EPHA6: variants seen among roughly 807,000 people sequenced by gnomAD.
The protein encoded by EPHA6 is ephrin type-A receptor 6.
A neutral mutation model predicts 112.0 loss-of-function variants in EPHA6; 50 were observed. That is an observed-to-expected ratio of 0.45 (90% CI 0.36 to 0.56). EPHA6 has a LOEUF of 0.56. Among genes scored for constraint, EPHA6 ranks in the 20% least tolerant of loss-of-function variants. The pLI, the probability that EPHA6 is intolerant of heterozygous loss-of-function variation, is 0.00. For synonymous variants in EPHA6, 529 were observed against 490.7 expected (o/e 1.08, Z -1.03); for missense variants, 1,280 against 1,417.4 (o/e 0.90, Z 1.56).
intron 10 of EPHA6, among the ~76,000 whole-genome samples, chr3:97,503,432 C>G (rs1282569870): frequency 6.6e-6 from 1 of 152,106 alleles, no homozygotes; most frequent in Non-Finnish European, 1.5e-5. Context: ...AACTATTTAC[C>G]TAATATTACC....
At chr3:97,630,635 A>G (rs909881319) in intron 13 of EPHA6, among the ~76,000 whole-genome samples, 2 of 152,014 alleles carry the variant, frequency 1.3e-5, no homozygotes. Context: ...TCTTTTAAAG[A>G]CATTTCTGAA....
chr3:96,823,842 A>G (rs951254787), intron 1 of EPHA6, among the ~76,000 whole-genome samples: 2 of 151,838 alleles, frequency 1.3e-5, no homozygotes, highest in African/African-American at 4.8e-5. Flanking sequence ...TCAGAAAGAG[A>G]TCTTCATTTT....
rs370081210 is a variant in EPHA6, at chr3:97,748,751, G to A, written c.*50G>A. On this transcript the variant is annotated 3_prime_UTR_variant, in exon 18 of 18. Coordinates refer to ENST00000389672, the MANE Select transcript of EPHA6 (RefSeq NM_001080448.3). ...GTGCCTCAGCATTTCTAAAATGAAC[G>A]ATATCCTCTCTACTACTCTCTCTTC... 2.3e-5 allele frequency: 22 copies of A among 939,364 alleles called. No individual in the cohort carries two copies. The East Asian group carries it at 3.9e-4, about 17-fold the overall frequency. 58.2% of individuals were successfully genotyped at this position (939,364 alleles called of 1,614,324 possible).
chr3:97,696,416 T>C (rs1335509192), intron 14 of EPHA6, among the ~76,000 whole-genome samples: 1 of 152,240 alleles, frequency 6.6e-6, no homozygotes, highest in African/African-American at 2.4e-5. Flanking sequence ...TGCAAGTTTT[T>C]CCTCAAGATG....
chr3:96,856,136 A>C (rs576591581), intron 1 of EPHA6, among the ~76,000 whole-genome samples: 1 of 152,222 alleles, frequency 6.6e-6, no homozygotes, highest in East Asian at 1.9e-4. Flanking sequence ...GCTACTTGGG[A>C]AGCTGGGGCA....
intron 10 of EPHA6, among the ~76,000 whole-genome samples, chr3:97,529,586 C>A (rs980521178): frequency 1.0e-2 from 4 of 402 alleles, no homozygotes; most frequent in African/African-American, 0.033. Context: ...CAATGTCAAT[C>A]ACATAATCAG....
chr3:97,150,924 A>G (rs571582579), intron 3 of EPHA6, among the ~76,000 whole-genome samples: 1 of 152,272 alleles, frequency 6.6e-6, no homozygotes, highest in Admixed American at 6.6e-5. Context: ...TTAAACTTTA[A>G]TTAATTCACT....
intron 3 of EPHA6, among the ~76,000 whole-genome samples, chr3:97,187,976 C>T (rs2077201429): frequency 6.6e-6 from 1 of 152,024 alleles, no homozygotes; most frequent in African/African-American, 2.4e-5. Context: ...ATCTGATTGG[C>T]AAAAATCCAG....
chr3:97,608,572 A>G (rs537283487), intron 12 of EPHA6, among the ~76,000 whole-genome samples: 2 of 151,446 alleles, frequency 1.3e-5, no homozygotes, highest in East Asian at 3.9e-4. Context: ...AAATGCAACT[A>G]TGAGAAATAT....
chr3:97,559,703 A>G, intron 11 of EPHA6: 1 of 438,320 alleles, frequency 2.3e-6, no homozygotes, highest in Non-Finnish European at 4.5e-6. Flanking sequence ...GCTGTCACAC[A>G]AGAGTGAAGC....
intron 7 of EPHA6, among the ~76,000 whole-genome samples, chr3:97,461,464 G>A (rs1171090787): frequency 6.6e-6 from 1 of 152,088 alleles, no homozygotes; most frequent in Admixed American, 6.6e-5. Context: ...GTGATTCAAT[G>A]CATGTAAAGT....
chr3:97,436,639 T>C (rs1030421618), intron 6 of EPHA6, among the ~76,000 whole-genome samples: 1 of 152,186 alleles, frequency 6.6e-6, no homozygotes, highest in African/African-American at 2.4e-5. Context: ...ATACTGTTTT[T>C]CAGTGAAGAC....
intron 3 of EPHA6, among the ~76,000 whole-genome samples, chr3:97,080,696 A>G (rs965999990): frequency 5.9e-5 from 9 of 152,122 alleles, no homozygotes; most frequent in African/African-American, 1.9e-4. Flanking sequence ...TATATAAAGT[A>G]TACATGTTTA....
chr3:96,948,233 A>T (rs1476940384), intron 2 of EPHA6, among the ~76,000 whole-genome samples: 1 of 152,174 alleles, frequency 6.6e-6, no homozygotes, highest in African/African-American at 2.4e-5. Flanking sequence ...CTTATAGATC[A>T]GTTGTTTTCA....
At chr3:97,300,790 C>T (rs890418195) in intron 5 of EPHA6, among the ~76,000 whole-genome samples, 5 of 151,418 alleles carry the variant, frequency 3.3e-5, no homozygotes, top group Admixed American at 2.0e-4. Context: ...ATAGCAGGCT[C>T]GAAGCATGAC....
chr3:96,817,209 AATG>A (rs1391409876), intron 1 of EPHA6, among the ~76,000 whole-genome samples: 3 of 151,966 alleles, frequency 2.0e-5, no homozygotes, highest in African/African-American at 7.2e-5. Context: ...TTACTTATAA[AATG>A]ATGCTTTTTA....
intron 5 of EPHA6, among the ~76,000 whole-genome samples, chr3:97,329,716 G>A (rs2108815824): frequency 6.6e-6 from 1 of 151,658 alleles, no homozygotes; most frequent in Admixed American, 6.6e-5. Context: ...TCTGAATATT[G>A]GCCCTTTGTC....
intron 3 of EPHA6, among the ~76,000 whole-genome samples, chr3:97,058,998 C>T (rs1316873253): frequency 3.3e-5 from 5 of 152,030 alleles, no homozygotes; most frequent in South Asian, 2.1e-4. Flanking sequence ...AGTGGGGGGA[C>T]GCAGATTATC....
intron 2 of EPHA6, among the ~76,000 whole-genome samples, chr3:96,943,776 C>T (rs1360539433): frequency 6.6e-6 from 1 of 151,872 alleles, no homozygotes; most frequent in Non-Finnish European, 1.5e-5. Context: ...GAGGATTGCT[C>T]GAGCCTGGGA....
Sources: allele counts gnomAD v4.1 joint callset (sites outside exome capture counted in the v4.1 genomes callset), GRCh38; gene constraint gnomAD v4.1.1; transcripts MANE v1.5; gene names NCBI Gene and HGNC (gene_info 2026-07-23, HGNC 2026-07-21).